CEBPZ: variants seen among roughly 807,000 people sequenced by gnomAD.
CEBPZ encodes the protein CCAAT enhancer binding protein zeta, also known as CCAAT/enhancer-binding protein zeta.
Under a neutral mutation model 104.5 loss-of-function variants are expected in CEBPZ, and 78 were observed. The ratio of observed to expected loss-of-function variants is 0.75; its 90% CI spans 0.62 to 0.90. The LOEUF (loss-of-function observed/expected upper bound fraction) is 0.90. Among genes scored for constraint, CEBPZ ranks in the 40% least tolerant of loss-of-function variants. CEBPZ has a pLI of 0.00. For missense variants in CEBPZ, 1,439 were observed against 1,233.5 expected (o/e 1.17, Z -2.50); for synonymous variants, 470 against 427.0 (o/e 1.10, Z -1.24).
At position 37,216,132 on chromosome 2, in the gene CEBPZ, A is replaced by C; in HGVS notation, c.2380+8T>G. The C allele has an allele frequency of 6.2e-7, 1 of 1,600,080 alleles. No individual in the cohort carries two copies. The highest frequency in any genetic ancestry group is 8.6e-7 in the Non-Finnish European group (1 of 1,168,968). ...TTTCAGTTTCAACTGTCTAAGGTTT[A>C]TACTTACCAGGAAGATGACGAATAT... On this transcript the variant is annotated splice_region_variant and intron_variant, in intron 8 of 15. Coordinates refer to ENST00000234170, the MANE Select transcript of CEBPZ (RefSeq NM_005760.3).
intron 2 of CEBPZ, among the ~76,000 whole-genome samples, chr2:37,224,514 AATATTCTGGG>A (rs1238587751): frequency 2.0e-5 from 3 of 152,230 alleles, no homozygotes; most frequent in Non-Finnish European, 2.9e-5. Flanking sequence ...CCCTTTTGGT[AATATTCTGGG>A]ATATTCTGGA....
chr2:37,215,171 T>C (rs142983759), intron 8 of CEBPZ: 477 of 431,732 alleles, frequency 1.1e-3, no homozygotes, highest in African/African-American at 7.9e-3. Context: ...CAGCATAAAG[T>C]AGGCAGTACA....
intron 5 of CEBPZ, among the ~76,000 whole-genome samples, chr2:37,218,675 A>T (rs1274032412): frequency 6.6e-6 from 1 of 152,254 alleles, no homozygotes; most frequent in East Asian, 1.9e-4. Context: ...AGGCTGAGGT[A>T]GGTGGATCAC....
intron 11 of CEBPZ, 56 bp from the exon 12 acceptor site, chr2:37,212,095 T>C: frequency 7.0e-7 from 1 of 1,437,012 alleles, no homozygotes; most frequent in Non-Finnish European, 9.4e-7. Flanking sequence ...TAAAGTAGTG[T>C]TTTGCTGACT....
At chr2:37,222,738 C>T (rs974928889) in intron 3 of CEBPZ, among the ~76,000 whole-genome samples, 175 bp from the exon 4 acceptor site, 1 of 152,180 alleles carries the variant, frequency 6.6e-6, no homozygotes, top group Non-Finnish European at 1.5e-5. Flanking sequence ...GAGATTACAT[C>T]CTTATTTCTA....
chr2:37,216,034 G>T, intron 8 of CEBPZ, 106 bp downstream of exon 8: 22 of 717,072 alleles, frequency 3.1e-5, no homozygotes, highest in African/African-American at 3.8e-5. Flanking sequence ...TAATGTCTTT[G>T]ATGCTCAGGT....
rs773767852 is a variant in CEBPZ, at chr2:37,222,431, C to G, written c.2014G>C (p.Glu672Gln). 3.1e-6 allele frequency: 5 copies of G among 1,603,512 alleles called. No individual in the cohort carries two copies. In the East Asian group the frequency reaches 9.0e-5, roughly 29 times the overall value. ...GAAGCAACCTCTGGTTTTTTGGTTT[C>G]TACATCAGTTTCAGGAACTGTTTCC... ...TEETVPETDVETKKPEVASWV... is the reference protein window; with the variant it reads ...TEETVPETDVQTKKPEVASWV... The change falls in exon 4 of 16, where the codon GAA (glutamate) becomes CAA (glutamine). Residue 672 changes from glutamate to glutamine, a missense_variant. Transcript: ENST00000234170.
At chr2:37,214,438 A>T (rs746522265) in intron 9 of CEBPZ, among the ~76,000 whole-genome samples, 2 of 152,156 alleles carry the variant, frequency 1.3e-5, no homozygotes, top group Non-Finnish European at 2.9e-5. Flanking sequence ...TAAATTACCC[A>T]TGAGTTATCA....
intron 8 of CEBPZ, 28 bp from the exon 9 acceptor site, chr2:37,214,980 C>T: frequency 7.2e-7 from 1 of 1,384,328 alleles, no homozygotes; most frequent in African/African-American, 1.4e-5. Context: ...AACATTTTAA[C>T]TTCATATAGC....
chr2:37,212,739 C>A, intron 10 of CEBPZ: 1 of 214,494 alleles, frequency 4.7e-6, no homozygotes, highest in Non-Finnish European at 9.2e-6. Flanking sequence ...AGGTGTGATA[C>A]AATATGTAAC....
At chr2:37,222,269 G>A (rs1664787219) in intron 4 of CEBPZ, 111 bp downstream of exon 4, 1 of 975,426 alleles carries the variant, frequency 1.0e-6, no homozygotes, top group Non-Finnish European at 1.5e-6. Context: ...GGGCAACAGA[G>A]TGAGACTCTG....
intron 2 of CEBPZ, among the ~76,000 whole-genome samples, chr2:37,226,678 C>T (rs539130602): frequency 7.2e-5 from 11 of 152,258 alleles, no homozygotes; most frequent in Non-Finnish European, 1.3e-4. Context: ...CAAACCCAGG[C>T]GGCGTGGCTT....
chr2:37,220,051 GC>G (rs1353907986), intron 5 of CEBPZ, among the ~76,000 whole-genome samples: 1 of 152,166 alleles, frequency 6.6e-6, no homozygotes, highest in East Asian at 1.9e-4. Context: ...GGGCGCAGTG[GC>G]TCATGCCTGT....
chr2:37,223,293 A>C lies in CEBPZ; in HGVS notation c.1758T>G (p.Phe586Leu). The C allele has an allele frequency of 2.5e-6, 4 of 1,614,194 alleles. No individual in the cohort carries two copies. Among genetic ancestry groups the C allele is most frequent in the Non-Finnish European group, 2.5e-6 (3 of 1,180,024 alleles). ...AAGTAACTTGAAGTAACCTCTTCACAAAAGCCTTCACCCGGCGCAACACAA... is the reference window on the plus strand; with the variant it reads ...AAGTAACTTGAAGTAACCTCTTCACCAAAGCCTTCACCCGGCGCAACACAA... The part of the protein sequence containing the change: ...ADIVLRRVKA[F>L]VKRLLQVTCQ... Residue 586 changes from phenylalanine to leucine, a missense_variant, in exon 3 of 16, where the codon TTT (phenylalanine) becomes TTG (leucine). Phe to Leu is a conservative substitution (Grantham distance 22). Coordinates refer to ENST00000234170, the MANE Select transcript of CEBPZ (RefSeq NM_005760.3).
chr2:37,228,114 G>A lies in CEBPZ; in HGVS notation c.1079C>T (p.Thr360Ile). The change falls in exon 2 of 16, where the codon ACC (threonine) becomes ATC (isoleucine). Residue 360 changes from threonine (T) to isoleucine (I), a missense_variant. By Grantham distance (89) the Thr-to-Ile change is moderately conservative. Transcript: ENST00000234170. ...LETLSHDTLV[T>I]TKTRALTVAH... ...CACGGTAAGGGCTCGAGTTTTAGTGGTTACTAATGTATCATGACTTAAAGT... is the reference window on the plus strand; with the variant it reads ...CACGGTAAGGGCTCGAGTTTTAGTGATTACTAATGTATCATGACTTAAAGT... 1 of 1,614,144 alleles carries A rather than the reference G, an allele frequency of 6.2e-7. No homozygotes were observed.
At chr2:37,206,166 C>T (rs949830936) in intron 13 of CEBPZ, among the ~76,000 whole-genome samples, 3 of 152,058 alleles carry the variant, frequency 2.0e-5, no homozygotes, top group Non-Finnish European at 4.4e-5. Context: ...AGGAAAATGG[C>T]GGATAAGGGG....
intron 5 of CEBPZ, 129 bp from the exon 6 acceptor site, chr2:37,217,166 G>A: frequency 1.4e-6 from 1 of 692,910 alleles, no homozygotes; most frequent in South Asian, 1.7e-5. Context: ...GGGAGGCTCA[G>A]GCAGGCAGAT....
intron 3 of CEBPZ, among the ~76,000 whole-genome samples, chr2:37,222,946 G>A (rs543612571): frequency 6.6e-6 from 1 of 152,208 alleles, no homozygotes; most frequent in Admixed American, 6.5e-5. Context: ...TCATATAATG[G>A]TAGCTTCTAG....
intron 13 of CEBPZ, chr2:37,203,976 G>A (rs972302783): frequency 1.3e-5 from 2 of 152,096 alleles, no homozygotes; most frequent in African/African-American, 2.4e-5. Flanking sequence ...GGCATTAATA[G>A]TGCTGCTGTG....
Sources: allele counts gnomAD v4.1 joint callset (sites outside exome capture counted in the v4.1 genomes callset), GRCh38; gene constraint gnomAD v4.1.1; transcripts MANE v1.5; gene names NCBI Gene and HGNC (gene_info 2026-07-23, HGNC 2026-07-21).